Variants in GRIK3 observed in about 807,000 individuals in gnomAD.
GRIK3 encodes glutamate receptor ionotropic, kainate 3.
GRIK3 carries 29 observed loss-of-function variants against 102.5 expected under a neutral mutation model. The ratio of observed to expected loss-of-function variants is 0.28; its 90% CI spans 0.21 to 0.39. GRIK3 has a LOEUF of 0.39. Ranked by LOEUF, GRIK3 falls within the 10% of genes least tolerant of loss-of-function variation. The probability of loss-of-function intolerance (pLI) is 1.00; values close to 1 mark genes in which losing one functional copy is unlikely to be tolerated. For synonymous variants in GRIK3, 511 were observed against 504.9 expected (o/e 1.01, Z -0.16); for missense variants, 908 against 1,252.4 (o/e 0.73, Z 4.15).
chr1:36,896,470 T>G (rs1439618817), intron 1 of GRIK3, among the ~76,000 whole-genome samples: 1 of 152,030 alleles, frequency 6.6e-6, no homozygotes, highest in Admixed American at 6.6e-5. Context: ...CATATGTATA[T>G]TGCAAACTCT....
At chr1:36,939,205 G>T (rs1402181686) in intron 1 of GRIK3, among the ~76,000 whole-genome samples, 1 of 152,208 alleles carries the variant, frequency 6.6e-6, no homozygotes, top group Admixed American at 6.5e-5. Context: ...AGCTGATCAT[G>T]TGCCCCCAGA....
At chr1:37,017,369 T>TAAAAAAAAA (rs774819790) in intron 1 of GRIK3, among the ~76,000 whole-genome samples, 5 of 48,516 alleles carry the variant, frequency 1.0e-4, no homozygotes, top group Middle Eastern at 0.012. Flanking sequence ...CCCTGTCTCT[T>TAAAAAAAAA]AAAAAAAAAA....
At chr1:36,825,319 C>T (rs985936537) in intron 11 of GRIK3, among the ~76,000 whole-genome samples, 5 of 152,096 alleles carry the variant, frequency 3.3e-5, no homozygotes, top group African/African-American at 9.7e-5. Flanking sequence ...TTGACCTCTA[C>T]GAGCCTGCCA....
chr1:36,857,147 AG>A (rs1640662339), intron 7 of GRIK3, among the ~76,000 whole-genome samples: 1 of 152,168 alleles, frequency 6.6e-6, no homozygotes, highest in South Asian at 2.1e-4. Context: ...AAAGTGGTGA[AG>A]CTTCCAAGTC....
At chr1:36,942,523 G>A (rs557972469) in intron 1 of GRIK3, among the ~76,000 whole-genome samples, 1 of 152,252 alleles carries the variant, frequency 6.6e-6, no homozygotes, top group Admixed American at 6.5e-5. Context: ...TAGGGAGGCT[G>A]TTCCCTTGCC....
intron 5 of GRIK3, among the ~76,000 whole-genome samples, chr1:36,862,993 T>G (rs1640744085): frequency 6.6e-6 from 1 of 152,126 alleles, no homozygotes; most frequent in African/African-American, 2.4e-5. Context: ...ACAAGCAAAG[T>G]CAGCTCACAT....
intron 11 of GRIK3, among the ~76,000 whole-genome samples, chr1:36,823,399 G>A (rs550683464): frequency 2.1e-4 from 31 of 148,028 alleles, no homozygotes; most frequent in Non-Finnish European, 3.6e-4. Flanking sequence ...GCGTGAACCC[G>A]GGAGGCAGAG....
At chr1:36,817,720 C>T (rs190729852) in intron 12 of GRIK3, among the ~76,000 whole-genome samples, 4 of 152,264 alleles carry the variant, frequency 2.6e-5, no homozygotes, top group African/African-American at 9.6e-5. Flanking sequence ...AATCCTGCTC[C>T]CAACTCTCAG....
intron 1 of GRIK3, among the ~76,000 whole-genome samples, chr1:36,918,313 GA>G (rs1362910205): frequency 6.6e-6 from 1 of 152,006 alleles, no homozygotes; most frequent in Non-Finnish European, 1.5e-5. Flanking sequence ...CATATATCAG[GA>G]CCCCACCTAC....
At chr1:36,905,804 C>CA (rs1327890786) in intron 1 of GRIK3, among the ~76,000 whole-genome samples, 2 of 151,776 alleles carry the variant, frequency 1.3e-5, no homozygotes, top group African/African-American at 2.4e-5. Flanking sequence ...ACACAAAAAA[C>CA]AAAAAAAGCC....
intron 1 of GRIK3, among the ~76,000 whole-genome samples, chr1:36,953,750 C>A: frequency 6.6e-6 from 1 of 151,934 alleles, no homozygotes; most frequent in East Asian, 2.0e-4. Context: ...TTGAGATGTC[C>A]AAGCAGAGAT....
chr1:36,868,175 C>T (rs1640806362), intron 5 of GRIK3, among the ~76,000 whole-genome samples: 1 of 152,188 alleles, frequency 6.6e-6, no homozygotes, highest in Non-Finnish European at 1.5e-5. Flanking sequence ...CTGGAATGTG[C>T]CCCACCCCAC....
rs1038915031 is a variant in GRIK3 at position 36,872,028 on chromosome 1, G to T, written c.732+160C>A. Among the ~76,000 whole-genome samples, 3 of 152,174 alleles carry T rather than the reference G, an allele frequency of 2.0e-5. No homozygotes were observed. Among genetic ancestry groups the T allele is most frequent in the Admixed American group, 2.0e-4 (3 of 15,286 alleles). ...CCGTTTTGCTACTGGTGAAAATGAG[G>T]CTCAGAGAGGCAAACCACCCAAGGT... On this transcript the variant is annotated intron_variant, in intron 4 of 15. Coordinates refer to ENST00000373091, the MANE Select transcript of GRIK3 (RefSeq NM_000831.4). This position sits in a 1 kb window ranked among gnomAD's most constrained non-coding sequence, Gnocchi z 5.9.
chr1:36,902,509 G>C (rs1641242573), intron 1 of GRIK3, among the ~76,000 whole-genome samples: 1 of 152,176 alleles, frequency 6.6e-6, no homozygotes, highest in African/African-American at 2.4e-5. Context: ...AAAAGGGCTA[G>C]AACAACTGGA....
intron 1 of GRIK3, among the ~76,000 whole-genome samples, chr1:36,937,476 T>C (rs1009479674): frequency 5.3e-5 from 8 of 152,238 alleles, no homozygotes; most frequent in Admixed American, 3.9e-4. Context: ...ACAGGATGAC[T>C]ATCTAAGACA....
chr1:36,926,449 A>G lies in GRIK3; in HGVS notation c.116-35353T>C, dbSNP rs115543803. On this transcript the variant is annotated intron_variant, in intron 1 of 15. Transcript: ENST00000373091. ...CCTGTCACCCAGGCTGGAGTGCAACAGTATGATCTCGGCTCACTGCCACCT... is the reference window on the plus strand; with the variant it reads ...CCTGTCACCCAGGCTGGAGTGCAACGGTATGATCTCGGCTCACTGCCACCT... Among the ~76,000 whole-genome samples the G allele has an allele frequency of 4.6e-3, 696 of 151,404 alleles. 5 individuals are homozygous for G. The highest frequency in any genetic ancestry group is 0.016 in the African/African-American group (664 of 41,178).
In GRIK3 at chr1:36,858,725, G is replaced by T. The variant is rs577221139; in HGVS notation, c.1104+383C>A. Among the ~76,000 whole-genome samples the T allele has an allele frequency of 2.0e-5, 3 of 152,286 alleles. No individual in the cohort carries two copies. The South Asian group carries it at 6.2e-4, about 32-fold the overall frequency. ...CTAACTTCATCTCACATGCCCACGA[G>T]GTAGGTTATGCTTCATATACCCATT... is the stretch of plus-strand genomic sequence containing the variant. On this transcript the variant is annotated intron_variant, in intron 7 of 15. Coordinates refer to ENST00000373091, the MANE Select transcript of GRIK3 (RefSeq NM_000831.4).
rs190966438 is a variant in GRIK3, at chr1:36,927,851, T to A, written c.116-36755A>T. Among the ~76,000 whole-genome samples, 10 of 151,746 alleles carry A rather than the reference T, an allele frequency of 6.6e-5. No homozygotes were observed. The East Asian group carries it at 1.8e-3, about 27-fold the overall frequency. On this transcript the variant is annotated intron_variant, in intron 1 of 15. Coordinates refer to ENST00000373091, the MANE Select transcript of GRIK3 (RefSeq NM_000831.4). Reference sequence around the variant, plus strand: ...GCTCCCCGAGAGGCAGGGGGAGAGATAATTGGAGACCCGGAGCCCCGGCTT... The same window carrying A: ...GCTCCCCGAGAGGCAGGGGGAGAGAAAATTGGAGACCCGGAGCCCCGGCTT...
intron 1 of GRIK3, among the ~76,000 whole-genome samples, chr1:36,957,915 CGTGAGCCTGTGTGCCCCA>C (rs1641942436): frequency 1.3e-5 from 1 of 75,058 alleles, no homozygotes; most frequent in African/African-American, 7.5e-5. Flanking sequence ...GTCTGTGCCC[CGTGAGCCTGTGTGCCCCA>C]TGAGCCTGTG....
Sources: allele counts gnomAD v4.1 joint callset (sites outside exome capture counted in the v4.1 genomes callset), GRCh38; gene constraint gnomAD v4.1.1; non-coding constraint Gnocchi (gnomAD v3.1); transcripts MANE v1.5; gene names NCBI Gene and HGNC (gene_info 2026-07-23, HGNC 2026-07-21).